The following HSD17B7 variants were observed in gnomAD, a reference collection of about 807,000 sequenced individuals.
The protein encoded by HSD17B7 is 3-keto-steroid reductase/17-beta-hydroxysteroid dehydrogenase 7.
A neutral mutation model predicts 34.1 loss-of-function variants in HSD17B7; 17 were observed. The observed-to-expected ratio is 0.50, with a 90% CI of 0.34 to 0.75. The LOEUF (loss-of-function observed/expected upper bound fraction) is 0.75. HSD17B7 is among the 30% of genes least tolerant of loss of function. The pLI, the probability that HSD17B7 is intolerant of heterozygous loss-of-function variation, is 0.01. For missense variants in HSD17B7, 296 were observed against 406.6 expected, an observed-to-expected ratio of 0.73 and a Z score of 2.34; for synonymous variants, 122 against 154.6, an observed-to-expected ratio of 0.79 and a Z score of 1.56.
chr1:162,798,998 A>G (rs1648717553), intron 4 of HSD17B7: 1 of 172,536 alleles, frequency 5.8e-6, no homozygotes, highest in South Asian at 8.7e-5. Context: ...CCGTCTCAAA[A>G]AAAAAAAAAA....
rs562484021 is a variant in HSD17B7, at chr1:162,797,952, G to A, written c.447+36G>A. Reference sequence around the variant, plus strand: ...TGTGGGCTTAATAAGCTAATATTTCGTGTGATAGTTTCTGTAAAGCTCTGG... The same window carrying A: ...TGTGGGCTTAATAAGCTAATATTTCATGTGATAGTTTCTGTAAAGCTCTGG... On this transcript the variant is annotated intron_variant, in intron 4 of 8. Transcript: ENST00000254521. The A allele has an allele frequency of 1.4e-5, 23 of 1,608,530 alleles. No individual in the cohort carries two copies. The highest frequency in any genetic ancestry group is 3.4e-5 in the Admixed American group (2 of 59,690).
chr1:162,795,019 T>G (rs1325985163), intron 2 of HSD17B7, among the ~76,000 whole-genome samples: 3 of 152,238 alleles, frequency 2.0e-5, no homozygotes, highest in South Asian at 2.1e-4. Flanking sequence ...TTTGAGGTAT[T>G]TAGTCCGCAA....
intron 8 of HSD17B7, among the ~76,000 whole-genome samples, chr1:162,807,905 TC>T (rs1292344931): frequency 4.6e-5 from 7 of 152,216 alleles, no homozygotes; most frequent in Admixed American, 3.9e-4. Flanking sequence ...AAAAATTTTC[TC>T]CCATTCTGTA....
At chr1:162,812,114 T>A (rs1307337774) in intron 8 of HSD17B7, among the ~76,000 whole-genome samples, 184 bp from the exon 9 acceptor site, 1 of 152,246 alleles carries the variant, frequency 6.6e-6, no homozygotes, top group Admixed American at 6.5e-5. Context: ...TTGGTGAGTG[T>A]TGGAACTGAG....
At position 162,812,601 on chromosome 1, in the gene HSD17B7, C is replaced by T. The variant is rs1649201504; in HGVS notation, c.*181C>T. 1 of 543,706 alleles carries T rather than the reference C, an allele frequency of 1.8e-6. No individual in the cohort carries two copies. The highest frequency in any genetic ancestry group is 3.7e-5 in the South Asian group (1 of 26,712). The allele number at this position is 543,706 out of a possible 1,614,324, so 33.7% of individuals were successfully genotyped here. A position where few individuals can be genotyped will look rare whatever the true frequency, so the allele number is the denominator to read the frequency against. On this transcript the variant is annotated 3_prime_UTR_variant, in exon 9 of 9. Coordinates refer to ENST00000254521, the MANE Select transcript of HSD17B7 (RefSeq NM_016371.4). ...GATGAGGTGGGAGGATCTCTTGAGG[C>T]TGGGAGGCAGAGGTTGCAGTGAGCT...
chr1:162,804,607 T>C (rs1648920002), intron 7 of HSD17B7, among the ~76,000 whole-genome samples: 1 of 152,028 alleles, frequency 6.6e-6, no homozygotes. Context: ...GACAGAGCAA[T>C]GGGAAGCTGG....
At chr1:162,792,506 T>A in intron 1 of HSD17B7, 153 bp from the exon 2 acceptor site, 1 of 929,070 alleles carries the variant, frequency 1.1e-6, no homozygotes, top group South Asian at 1.8e-5. Context: ...GAGTGTAGGA[T>A]TCCTCCCTTC....
chr1:162,809,090 A>T (rs1649088134), intron 8 of HSD17B7, among the ~76,000 whole-genome samples: 2 of 152,174 alleles, frequency 1.3e-5, no homozygotes, highest in Admixed American at 1.3e-4. Flanking sequence ...ATTCAGTATG[A>T]TATTGGCTGT....
chr1:162,800,203 T>A (rs1648760838), intron 5 of HSD17B7: 1 of 605,234 alleles, frequency 1.7e-6, no homozygotes, highest in African/African-American at 1.8e-5. Context: ...TGGTACTTGC[T>A]GTGTTTCAGG....
chr1:162,792,627 A>G (rs1570994762), intron 1 of HSD17B7, 32 bp from the exon 2 acceptor site: 1 of 1,596,662 alleles, frequency 6.3e-7, no homozygotes, highest in East Asian at 2.3e-5. Context: ...ATCCCAGATA[A>G]CCCACATCTT....
intron 2 of HSD17B7, 132 bp from the exon 3 acceptor site, chr1:162,796,453 A>G (rs545825961): frequency 7.4e-6 from 4 of 537,272 alleles, no homozygotes; most frequent in African/African-American, 1.9e-5. Flanking sequence ...TGTGGCTAAT[A>G]TATTAATTTA....
At position 162,811,757 on chromosome 1, in the gene HSD17B7, G is replaced by C. The variant is rs548414031; in HGVS notation, c.904-541G>C. On this transcript the variant is annotated intron_variant, in intron 8 of 8. Coordinates refer to ENST00000254521, the MANE Select transcript of HSD17B7 (RefSeq NM_016371.4). ...TCGAGAGTGGTATGGAAGAAGGGAA[G>C]AAAAAAGGGATGCTTTATTTCTCTT... Among the ~76,000 whole-genome samples, 21 of 152,064 alleles carry C rather than the reference G, an allele frequency of 1.4e-4. No individual in the cohort carries two copies. The South Asian group carries it at 3.9e-3, about 29-fold the overall frequency.
At chr1:162,810,663 T>A (rs1649144167) in intron 8 of HSD17B7, among the ~76,000 whole-genome samples, 1 of 151,900 alleles carries the variant, frequency 6.6e-6, no homozygotes, top group African/African-American at 2.4e-5. Context: ...ATTTAGATAG[T>A]TAGTTCTTCT....
intron 5 of HSD17B7, among the ~76,000 whole-genome samples, chr1:162,801,820 T>A (rs1648825700): frequency 6.6e-6 from 1 of 152,194 alleles, no homozygotes. Context: ...CCTGATACTC[T>A]GAGAACTCCC....
intron 2 of HSD17B7, chr1:162,793,095 G>A (rs1216315160): frequency 7.5e-5 from 24 of 319,096 alleles, no homozygotes; most frequent in Non-Finnish European, 1.1e-4. Flanking sequence ...GTGCAATGGC[G>A]TGATCTCGGC....
rs2997360 is a variant in HSD17B7, at chr1:162,812,263, A to G, written c.904-35A>G. On this transcript the variant is annotated intron_variant, in intron 8 of 8. Coordinates refer to ENST00000254521, the MANE Select transcript of HSD17B7 (RefSeq NM_016371.4). ...ACAAATACTATTCATCTTATTTTTC[A>G]TTTCTAGACATCTCTATTTTTGCTT... is the stretch of plus-strand genomic sequence containing the variant. The G allele has an allele frequency of 1.8e-3, 2,824 of 1,598,682 alleles. 63 individuals are homozygous for G. In the East Asian group the frequency reaches 0.046, roughly 26 times the overall value.
chr1:162,803,550 T>C lies in HSD17B7; in HGVS notation c.747+15T>C. On this transcript the variant is annotated intron_variant, in intron 6 of 8. Coordinates refer to ENST00000254521, the MANE Select transcript of HSD17B7 (RefSeq NM_016371.4). ...CAATATTGCTAGTAAGTGATGAATA[T>C]ACTTCTTTTCTTAACTCATAAAAAT... 1 of 1,609,490 alleles carries C rather than the reference T, an allele frequency of 6.2e-7. No individual in the cohort carries two copies. Among genetic ancestry groups the C allele is most frequent in the Non-Finnish European group, 8.5e-7 (1 of 1,176,454 alleles).
intron 8 of HSD17B7, among the ~76,000 whole-genome samples, chr1:162,807,128 C>A (rs1279147459): frequency 3.9e-5 from 6 of 152,116 alleles, no homozygotes; most frequent in Admixed American, 3.3e-4. Flanking sequence ...CCCCTCTACA[C>A]CCACCCCACA....
chr1:162,809,558 T>C (rs1017142337), intron 8 of HSD17B7, among the ~76,000 whole-genome samples: 1 of 152,028 alleles, frequency 6.6e-6, no homozygotes, highest in African/African-American at 2.4e-5. Context: ...CATCTCCTTG[T>C]ACCTCTGGTA....
Sources: gnomAD v4.1 joint callset for allele counts (sites outside exome capture counted in the v4.1 genomes callset) on GRCh38, gnomAD v4.1.1 for gene constraint, MANE v1.5 for transcripts, NCBI Gene and HGNC (gene_info 2026-07-23, HGNC 2026-07-21) for gene names.